Variants in MIER2 observed in about 807,000 individuals in gnomAD.
The protein encoded by MIER2 is mesoderm induction early response protein 2.
A neutral mutation model predicts 67.6 loss-of-function variants in MIER2; 30 were observed. That is an observed-to-expected ratio of 0.44 (90% CI 0.33 to 0.60). The LOEUF (loss-of-function observed/expected upper bound fraction) is 0.60. Among genes scored for constraint, MIER2 ranks in the 20% least tolerant of loss-of-function variants. The pLI is 0.02. For synonymous variants in MIER2, 372 were observed against 312.6 expected, an observed-to-expected ratio of 1.19 and a Z score of -2.00; for missense variants, 702 against 745.1, an observed-to-expected ratio of 0.94 and a Z score of 0.67.
At chr19:334,007 T>C (rs566130057) in intron 3 of MIER2, 4 of 182,216 alleles carry the variant, frequency 2.2e-5, no homozygotes, top group African/African-American at 7.1e-5. Context: ...GTATTCTTAG[T>C]AGAGATGGGG....
intron 3 of MIER2, among the ~76,000 whole-genome samples, chr19:330,935 A>C (rs917876595): frequency 5.3e-5 from 8 of 152,182 alleles, no homozygotes; most frequent in African/African-American, 1.9e-4. Flanking sequence ...TTGCTGTAGC[A>C]TCAAAGAAGA....
At chr19:332,529 T>C in intron 3 of MIER2, among the ~76,000 whole-genome samples, 1 of 150,572 alleles carries the variant, frequency 6.6e-6, no homozygotes, top group Non-Finnish European at 1.5e-5. Flanking sequence ...CTAGAACTCC[T>C]GACCTCAGGT....
chr19:318,234 A>G (rs1245335830), intron 7 of MIER2, among the ~76,000 whole-genome samples: 2 of 152,186 alleles, frequency 1.3e-5, no homozygotes, highest in African/African-American at 4.8e-5. Flanking sequence ...ATACACTTCA[A>G]ATATAGGAAT....
chr19:344,494 C>T (rs1255013884), intron 1 of MIER2: 3 of 504,686 alleles, frequency 5.9e-6, no homozygotes, highest in East Asian at 3.0e-4. Flanking sequence ...CGTCCCTCCC[C>T]TCCCCCACCC....
At chr19:327,302 A>G (rs750470340) in intron 4 of MIER2, 46 bp from the exon 5 acceptor site, 18 of 1,556,312 alleles carry the variant, frequency 1.2e-5, no homozygotes, top group South Asian at 2.4e-5. Flanking sequence ...CAGTTTAACA[A>G]TCTCGCAATA....
Position 308,599 on chromosome 19 carries a change from G to A in MIER2, c.1176C>T (p.Asp392=), listed in dbSNP as rs749234423. The A allele has an allele frequency of 2.2e-5, 36 of 1,606,266 alleles. No homozygotes were observed. The South Asian group carries it at 2.3e-4, about 10-fold the overall frequency. ...DGPGRPRPEQ[D]TLTGMRTDPL... is the part of the protein sequence containing the mutation. ...CACCTGTGCGCATCCCAGTCAGGGT[G>A]TCTTGCTCCGGGCGCGGACGGCCGG... Residue 392 remains aspartate (D), a synonymous_variant, in exon 12 of 14, where the codon GAC becomes GAT. Transcript: ENST00000264819. The surrounding 1 kb of genome is among the most constrained non-coding windows in gnomAD (Gnocchi z 9.1).
chr19:321,927 CAG>C (rs1017283376), intron 7 of MIER2, among the ~76,000 whole-genome samples: 2 of 151,840 alleles, frequency 1.3e-5, no homozygotes, highest in African/African-American at 2.4e-5. Context: ...ATTTTTGAGA[CAG>C]AGTCTCGCTC....
intron 1 of MIER2, among the ~76,000 whole-genome samples, chr19:339,955 G>A (rs185572138): frequency 1.9e-3 from 283 of 152,276 alleles, no homozygotes; most frequent in African/African-American, 6.4e-3. Context: ...CATTAAAACG[G>A]TGAACTGCAT....
At chr19:325,735 C>T in intron 6 of MIER2, 31 bp from the exon 7 acceptor site, 2 of 1,613,728 alleles carry the variant, frequency 1.2e-6, no homozygotes, top group Non-Finnish European at 1.7e-6. Flanking sequence ...AATCAGGACA[C>T]TGAGGAGCAT....
At chr19:340,815 C>T (rs1017051237) in intron 1 of MIER2, among the ~76,000 whole-genome samples, 2 of 152,076 alleles carry the variant, frequency 1.3e-5, no homozygotes, top group South Asian at 2.1e-4. Context: ...ACTGACAGGA[C>T]CCATCCAGCT....
chr19:325,235 A>G (rs961603340), intron 7 of MIER2, among the ~76,000 whole-genome samples: 1 of 152,264 alleles, frequency 6.6e-6, no homozygotes, highest in African/African-American at 2.4e-5. Flanking sequence ...CCTGAAGAGG[A>G]GCGGAGCAAG....
chr19:329,945 T>C (rs1462689877), intron 3 of MIER2, among the ~76,000 whole-genome samples: 1 of 151,292 alleles, frequency 6.6e-6, no homozygotes, highest in Non-Finnish European at 1.5e-5. Context: ...GATGTTTCCA[T>C]GTGCTGTGAG....
At chr19:336,266 G>T in intron 1 of MIER2, 93 bp from the exon 2 acceptor site, 1 of 1,037,160 alleles carries the variant, frequency 9.6e-7, no homozygotes, top group Non-Finnish European at 1.4e-6. Flanking sequence ...GCTGGTCAGA[G>T]CCCAGTCCCC....
At chr19:328,943 CG>C (rs1330318913) in intron 3 of MIER2, among the ~76,000 whole-genome samples, 4 of 152,168 alleles carry the variant, frequency 2.6e-5, no homozygotes, top group Non-Finnish European at 5.9e-5. Flanking sequence ...AAATAAGGCA[CG>C]TAATTCCTGG....
chr19:316,149 G>C lies in MIER2; in HGVS notation c.656-2506C>G, dbSNP rs541979162. Among the ~76,000 whole-genome samples the C allele has an allele frequency of 9.3e-4, 142 of 152,324 alleles. 3 individuals carry two copies. In the South Asian group the frequency reaches 0.028, roughly 30 times the overall value. On this transcript the variant is annotated intron_variant, in intron 7 of 13. Coordinates refer to ENST00000264819, the MANE Select transcript of MIER2 (RefSeq NM_017550.3). ...CAGGCTTTTCAGACAAAAAAATGCT[G>C]AAAGAAAGCACAAGGCCTATTACAA...
At chr19:344,470 C>T in intron 1 of MIER2, 2 of 724,252 alleles carry the variant, frequency 2.8e-6, no homozygotes, top group Non-Finnish European at 3.4e-6. Flanking sequence ...ACCCCCGACA[C>T]CAGCCCCGCC....
At chr19:314,974 G>C (rs1367151155) in intron 7 of MIER2, among the ~76,000 whole-genome samples, 2 of 152,050 alleles carry the variant, frequency 1.3e-5, no homozygotes. Context: ...TGAGGCTAAG[G>C]TGGGACTGAG....
intron 1 of MIER2, 149 bp downstream of exon 1, chr19:344,625 G>T: frequency 2.6e-6 from 1 of 389,742 alleles, no homozygotes; most frequent in Non-Finnish European, 3.6e-6. Context: ...GCGCCCCTCC[G>T]GCCCCGGACG....
intron 5 of MIER2, 143 bp downstream of exon 5, chr19:326,990 G>C (rs2145476459): frequency 4.2e-6 from 5 of 1,187,744 alleles, no homozygotes; most frequent in Non-Finnish European, 5.8e-6. Flanking sequence ...GCACCCCCAG[G>C]GCTACTGACG....
Sources: gnomAD v4.1 joint callset for allele counts (sites outside exome capture counted in the v4.1 genomes callset) on GRCh38, gnomAD v4.1.1 for gene constraint, Gnocchi (gnomAD v3.1) non-coding constraint, MANE v1.5 for transcripts, NCBI Gene and HGNC (gene_info 2026-07-23, HGNC 2026-07-21) for gene names.